Variants in FGF12 observed in about 807,000 individuals in gnomAD.
The protein encoded by FGF12 is fibroblast growth factor 12, also known as fibroblast growth factor 12B.
FGF12 carries 14 observed loss-of-function variants against 23.6 expected under a neutral mutation model. The ratio of observed to expected loss-of-function variants is 0.59; its 90% CI spans 0.39 to 0.93. FGF12 has a LOEUF of 0.93. Among genes scored for constraint, FGF12 ranks in the 40% least tolerant of loss-of-function variants. The pLI, the probability that FGF12 is intolerant of heterozygous loss-of-function variation, is 0.00. For missense variants in FGF12, 175 were observed against 217.8 expected (o/e 0.80, Z 1.24); for synonymous variants, 62 against 77.3 (o/e 0.80, Z 1.04).
intron 2 of FGF12, among the ~76,000 whole-genome samples, chr3:192,466,935 TA>T (rs1188266924): frequency 6.6e-6 from 1 of 152,182 alleles, no homozygotes; most frequent in Non-Finnish European, 1.5e-5. Context: ...GAAAAAAAAG[TA>T]ATATAATATC....
intron 4 of FGF12, among the ~76,000 whole-genome samples, chr3:192,320,568 A>T (rs1716483084): frequency 6.6e-6 from 1 of 152,212 alleles, no homozygotes; most frequent in Non-Finnish European, 1.5e-5. Flanking sequence ...TCACAAAACA[A>T]GTCTTGGAAA....
At chr3:192,487,843 T>C (rs1723680285) in intron 2 of FGF12, among the ~76,000 whole-genome samples, 1 of 152,034 alleles carries the variant, frequency 6.6e-6, no homozygotes, top group South Asian at 2.1e-4. Context: ...AATGTAAGGG[T>C]ATTAGGTCGG....
At chr3:192,597,180 G>C (rs1423163751) in intron 2 of FGF12, among the ~76,000 whole-genome samples, 2 of 152,130 alleles carry the variant, frequency 1.3e-5, no homozygotes, top group African/African-American at 2.4e-5. Context: ...CTAACTTATT[G>C]GAAGGGCAAA....
intron 2 of FGF12, chr3:192,726,826 CAAATG>C (rs777840027): frequency 3.3e-4 from 98 of 299,090 alleles, no homozygotes; most frequent in Non-Finnish European, 5.2e-4. Context: ...AATTCTAAAG[CAAATG>C]AAATAGATTT....
chr3:192,557,043 G>A (rs1008890585), intron 2 of FGF12, among the ~76,000 whole-genome samples: 16 of 151,760 alleles, frequency 1.1e-4, no homozygotes, highest in African/African-American at 3.9e-4. Context: ...AAATGTATGG[G>A]ATGCATCAAA....
At chr3:192,665,975 T>C (rs1271039471) in intron 2 of FGF12, among the ~76,000 whole-genome samples, 1 of 152,144 alleles carries the variant, frequency 6.6e-6, no homozygotes, top group African/African-American at 2.4e-5. Flanking sequence ...ACTGAGTACA[T>C]ACATCAAATT....
intron 2 of FGF12, among the ~76,000 whole-genome samples, chr3:192,470,204 T>G (rs968701313): frequency 1.8e-4 from 28 of 152,192 alleles, no homozygotes; most frequent in South Asian, 2.1e-4. Flanking sequence ...CATATTAAAT[T>G]TATTGTCATT....
At chr3:192,341,155 C>T (rs1717671015) in intron 3 of FGF12, among the ~76,000 whole-genome samples, 1 of 151,998 alleles carries the variant, frequency 6.6e-6, no homozygotes, top group Non-Finnish European at 1.5e-5. Context: ...GGACACAGGG[C>T]TTGAACAGAC....
intron 2 of FGF12, among the ~76,000 whole-genome samples, chr3:192,460,323 C>T (rs531702779): frequency 2.6e-5 from 4 of 152,258 alleles, no homozygotes; most frequent in South Asian, 2.1e-4. Context: ...TGCTTAAGTT[C>T]GGGTAGGAAG....
intron 4 of FGF12, among the ~76,000 whole-genome samples, chr3:192,297,887 C>T (rs1176224063): frequency 6.6e-6 from 1 of 152,160 alleles, no homozygotes; most frequent in African/African-American, 2.4e-5. Context: ...CTCGAAAGCT[C>T]ACTTCTGTAC....
At chr3:192,209,420 C>A (rs949015277) in intron 4 of FGF12, among the ~76,000 whole-genome samples, 1 of 152,136 alleles carries the variant, frequency 6.6e-6, no homozygotes, top group Admixed American at 6.6e-5. Context: ...ATTCAGATCC[C>A]TTTTTATAAT....
intron 4 of FGF12, among the ~76,000 whole-genome samples, chr3:192,265,705 A>G (rs1228754265): frequency 6.6e-6 from 1 of 152,094 alleles, no homozygotes; most frequent in African/African-American, 2.4e-5. Flanking sequence ...CTTTTAAGCT[A>G]TACACCAGAG....
At chr3:192,232,516 T>TTTATTTA (rs1719076255) in intron 4 of FGF12, among the ~76,000 whole-genome samples, 2 of 149,590 alleles carry the variant, frequency 1.3e-5, no homozygotes, top group Admixed American at 1.3e-4. Context: ...TGCACGTGTA[T>TTTATTTA]TTATTTATTT....
chr3:192,578,971 CGCT>C (rs1398182829), intron 2 of FGF12, among the ~76,000 whole-genome samples: 2 of 152,180 alleles, frequency 1.3e-5, no homozygotes, highest in Non-Finnish European at 2.9e-5. Context: ...AGACCTCCCA[CGCT>C]GCCTTGGTTT....
At chr3:192,146,232 T>C (rs915063888) in intron 5 of FGF12, among the ~76,000 whole-genome samples, 3 of 152,040 alleles carry the variant, frequency 2.0e-5, no homozygotes, top group Non-Finnish European at 4.4e-5. Context: ...CATCCAGGGA[T>C]ACTTGAGGAA....
At chr3:192,542,886 A>T (rs1725406227) in intron 2 of FGF12, among the ~76,000 whole-genome samples, 2 of 152,076 alleles carry the variant, frequency 1.3e-5, no homozygotes, top group Admixed American at 1.3e-4. Context: ...TGAGCTAACT[A>T]GGCTAGAAGA....
At chr3:192,530,127 G>GT (rs111505241) in intron 2 of FGF12, among the ~76,000 whole-genome samples, 2,252 of 146,286 alleles carry the variant, frequency 0.015, 21 homozygotes, top group African/African-American at 0.035. Context: ...TCTCCATCCT[G>GT]TTTTTTTTTT....
rs374585618 is a variant in FGF12 at position 192,242,934 on chromosome 3, CAGTT to C, written c.229-72282_229-72279del. The stretch of plus-strand genomic sequence containing the variant: ...ATGAAAAATAGTAAGAAAATTTAGT[CAGTT>C]AGCTCAGTATAAAATTAAAAGACAG... On this transcript the variant is annotated intron_variant, in intron 4 of 5. Transcript: ENST00000445105. Among the ~76,000 whole-genome samples the C allele has an allele frequency of 1.7e-4, 26 of 152,084 alleles. No individual in the cohort carries two copies. In the East Asian group the frequency reaches 3.5e-3, roughly 20 times the overall value.
At position 192,375,268 on chromosome 3, in the gene FGF12, T is replaced by C. The variant is rs200853969; in HGVS notation, c.14-14730A>G. The stretch of plus-strand genomic sequence containing the variant: ...GCTGTTTTTATTTCTATCATCTTCG[T>C]TTGTGGTTTTTATTTATTATGCATT... On this transcript the variant is annotated intron_variant, in intron 2 of 5. Transcript: ENST00000445105. Among the ~76,000 whole-genome samples, 3 of 152,326 alleles carry C rather than the reference T, an allele frequency of 2.0e-5. No individual in the cohort carries two copies. In the East Asian group the frequency reaches 5.8e-4, roughly 29 times the overall value.
Sources: gnomAD v4.1 joint callset for allele counts (sites outside exome capture counted in the v4.1 genomes callset) on GRCh38, gnomAD v4.1.1 for gene constraint, MANE v1.5 for transcripts, NCBI Gene and HGNC (gene_info 2026-07-23, HGNC 2026-07-21) for gene names.